Variants in ARHGAP25 observed in about 807,000 individuals in gnomAD.
ARHGAP25 encodes the protein rho GTPase-activating protein 25.
A neutral mutation model predicts 71.0 loss-of-function variants in ARHGAP25; 34 were observed. The observed-to-expected ratio is 0.48, with a 90% confidence interval of 0.36 to 0.64. The LOEUF (loss-of-function observed/expected upper bound fraction) is 0.64, where lower values mean the gene tolerates loss of function less well. Among genes scored for constraint, ARHGAP25 ranks in the 30% least tolerant of loss-of-function variants. ARHGAP25 has a pLI of 0.00. For missense variants in ARHGAP25, 706 were observed against 805.1 expected, an observed-to-expected ratio of 0.88 and a Z score of 1.49; for synonymous variants, 282 against 296.5, an observed-to-expected ratio of 0.95 and a Z score of 0.50.
chr2:68,798,693 G>C (rs1256406219), intron 4 of ARHGAP25, among the ~76,000 whole-genome samples: 1 of 152,188 alleles, frequency 6.6e-6, no homozygotes, highest in African/African-American at 2.4e-5. Flanking sequence ...GTCAAGGAAG[G>C]CTTCCTTGAA....
chr2:68,773,941 CA>C (rs776260992), intron 1 of ARHGAP25, among the ~76,000 whole-genome samples: 3 of 152,142 alleles, frequency 2.0e-5, no homozygotes, highest in Non-Finnish European at 4.4e-5. Context: ...CCTAATTTAG[CA>C]AGTGAGGAAG....
rs770164494 is a variant in ARHGAP25 at position 68,735,060 on chromosome 2, G to A, written c.-140G>A. On this transcript the variant is annotated 5_prime_UTR_variant, in exon 1 of 11. Coordinates refer to ENST00000409202, the MANE Select transcript of ARHGAP25 (RefSeq NM_001007231.3). ...AGACACGTTGGCAAATCAGCCTCAA[G>A]CCTAAGATTGCTTGTGAAGCAATCA... 4.3e-4 allele frequency: 333 copies of A among 770,346 alleles called. No individual in the cohort carries two copies. The highest frequency in any genetic ancestry group is 7.3e-4 in the Admixed American group (38 of 51,900). 47.7% of individuals were successfully genotyped at this position (770,346 alleles called of 1,614,324 possible).
At position 68,782,290 on chromosome 2, in the gene ARHGAP25, G is replaced by T. The variant is rs1156453367; in HGVS notation, c.319G>T (p.Ala107Ser). 4 of 1,614,026 alleles carry T rather than the reference G, an allele frequency of 2.5e-6. No individual in the cohort carries two copies. Among genetic ancestry groups the T allele is most frequent in the South Asian group, 2.2e-5 (2 of 91,082 alleles). ...GGAGATCGCCACAAACCCAGAAGAA[G>T]CTGGGAAGTTTGTCTTTGAAATCAT... Reference protein sequence around the residue: ...IKEIATNPEEAGKFVFEIIPA... With the variant: ...IKEIATNPEESGKFVFEIIPA... Residue 107 changes from alanine to serine, a missense_variant, in exon 3 of 11, where the codon GCT (alanine) becomes TCT (serine). Coordinates refer to ENST00000409202, the MANE Select transcript of ARHGAP25 (RefSeq NM_001007231.3).
chr2:68,789,614 G>A (rs566499704), intron 4 of ARHGAP25, among the ~76,000 whole-genome samples: 9 of 152,094 alleles, frequency 5.9e-5, no homozygotes, highest in Admixed American at 1.3e-4. Flanking sequence ...TCCTTATTGC[G>A]CTGGATTATG....
intron 2 of ARHGAP25, among the ~76,000 whole-genome samples, chr2:68,722,412 T>C (rs1674783051): frequency 6.6e-6 from 1 of 151,742 alleles, no homozygotes; most frequent in Non-Finnish European, 1.5e-5. Flanking sequence ...ACCCTGACTC[T>C]ACTAAAAATG....
At chr2:68,815,333 C>T (rs920286367) in intron 6 of ARHGAP25, among the ~76,000 whole-genome samples, 1 of 151,710 alleles carries the variant, frequency 6.6e-6, no homozygotes, top group Non-Finnish European at 1.5e-5. Flanking sequence ...AGGTCTATAT[C>T]TACGGAAGCT....
chr2:68,823,859 T>C (rs1271332105), intron 10 of ARHGAP25, among the ~76,000 whole-genome samples: 1 of 152,162 alleles, frequency 6.6e-6, no homozygotes. Flanking sequence ...TTCTCTTGGG[T>C]AGATAGAGTA....
At chr2:68,735,600 T>C in intron 1 of ARHGAP25, 1 of 348,400 alleles carries the variant, frequency 2.9e-6, no homozygotes, top group East Asian at 6.0e-5. Flanking sequence ...TTTTGAATGG[T>C]TCTGAACAGG....
chr2:68,757,045 T>C (rs1676522929), intron 1 of ARHGAP25, among the ~76,000 whole-genome samples: 1 of 152,058 alleles, frequency 6.6e-6, no homozygotes. Context: ...AAAAGAGGGA[T>C]TCAAAGGCAG....
intron 2 of ARHGAP25, among the ~76,000 whole-genome samples, chr2:68,724,021 G>A (rs1674826323): frequency 6.6e-6 from 1 of 152,036 alleles, no homozygotes; most frequent in South Asian, 2.1e-4. Context: ...CTACAGGTGT[G>A]CCACCACGCC....
chr2:68,737,461 T>A (rs2104282072), intron 1 of ARHGAP25, among the ~76,000 whole-genome samples: 1 of 152,308 alleles, frequency 6.6e-6, no homozygotes, highest in East Asian at 1.9e-4. Context: ...TTATAGGATG[T>A]TTAGCAGAAT....
intron 2 of ARHGAP25, among the ~76,000 whole-genome samples, chr2:68,713,411 G>C (rs891987025): frequency 2.6e-5 from 4 of 152,182 alleles, no homozygotes; most frequent in Non-Finnish European, 5.9e-5. Context: ...GGGCTGAGAC[G>C]ATGGGGTTTT....
chr2:68,805,676 A>G (rs1057011252), intron 4 of ARHGAP25, among the ~76,000 whole-genome samples: 11 of 152,120 alleles, frequency 7.2e-5, no homozygotes, highest in Admixed American at 7.2e-4. Context: ...AGGCTGGCCT[A>G]CGCTGGGTAG....
chr2:68,809,202 T>G lies in ARHGAP25; in HGVS notation c.674+1722T>G, dbSNP rs188896435. Among the ~76,000 whole-genome samples, 91 of 152,252 alleles carry G rather than the reference T, an allele frequency of 6.0e-4. 1 individual carries two copies. In the East Asian group the frequency reaches 0.017, roughly 28 times the overall value. ...TCTGAAAACCCTCTTTTCCCCTTTT[T>G]CTGCCCTCTCTCCACCCCCTTTTAT... is the stretch of plus-strand genomic sequence containing the variant. On this transcript the variant is annotated intron_variant, in intron 5 of 10. Transcript: ENST00000409202.
In ARHGAP25 at chr2:68,826,229, A is replaced by C. The variant is rs894783342; in HGVS notation, c.*35A>C. ...GAGTACTGCAGGGACAGCCCCAGAG[A>C]GGCCCAACTCTGGCCCCTTTCTCAG... On this transcript the variant is annotated 3_prime_UTR_variant, in exon 11 of 11. Transcript: ENST00000409202. 7.6e-6 allele frequency: 12 copies of C among 1,586,598 alleles called. No homozygotes were observed. The South Asian group carries it at 9.9e-5, about 13-fold the overall frequency.
At chr2:68,783,122 G>A in intron 3 of ARHGAP25, among the ~76,000 whole-genome samples, 1 of 152,370 alleles carries the variant, frequency 6.6e-6, no homozygotes, top group African/African-American at 2.4e-5. Context: ...GGAGAAGGCA[G>A]CGTAGCATAG....
At chr2:68,801,325 C>G (rs1460480209) in intron 4 of ARHGAP25, among the ~76,000 whole-genome samples, 2 of 152,060 alleles carry the variant, frequency 1.3e-5, no homozygotes, top group Non-Finnish European at 2.9e-5. Context: ...CCCTGGGACC[C>G]TCCAACATGT....
intron 1 of ARHGAP25, among the ~76,000 whole-genome samples, chr2:68,764,658 AG>A (rs1321574189): frequency 2.0e-5 from 3 of 152,140 alleles, no homozygotes. Context: ...TGCCCCAGCC[AG>A]ACCTCTGTGC....
chr2:68,736,223 G>A (rs1675213664), intron 1 of ARHGAP25, among the ~76,000 whole-genome samples: 1 of 152,188 alleles, frequency 6.6e-6, no homozygotes. Context: ...CACAAGCGGA[G>A]CATTAATGAT....
Sources: allele counts gnomAD v4.1 joint callset (sites outside exome capture counted in the v4.1 genomes callset), GRCh38; gene constraint gnomAD v4.1.1; transcripts MANE v1.5; gene names NCBI Gene and HGNC (gene_info 2026-07-23, HGNC 2026-07-21).